DGKH: variants seen among roughly 807,000 people sequenced by gnomAD.
DGKH encodes diacylglycerol kinase eta.
DGKH carries 90 observed loss-of-function variants against 159.3 expected under a neutral mutation model. The observed-to-expected ratio is 0.57, with a 90% CI of 0.48 to 0.67. The LOEUF (loss-of-function observed/expected upper bound fraction) is 0.67, where lower values mean the gene tolerates loss of function less well. Among genes scored for constraint, DGKH ranks in the 30% least tolerant of loss-of-function variants. The pLI, the probability that DGKH is intolerant of heterozygous loss-of-function variation, is 0.00. For missense variants in DGKH, 1,181 were observed against 1,506.1 expected, an observed-to-expected ratio of 0.78 and a Z score of 3.57; for synonymous variants, 536 against 553.8, an observed-to-expected ratio of 0.97 and a Z score of 0.45.
At chr13:42,249,799 TAAAAAA>T in intron 29 of DGKH, among the ~76,000 whole-genome samples, 1 of 151,936 alleles carries the variant, frequency 6.6e-6, no homozygotes, top group East Asian at 1.9e-4. Flanking sequence ...GATTATGTTT[TAAAAAA>T]GTTTTCAGGA....
intron 1 of DGKH, among the ~76,000 whole-genome samples, chr13:42,050,786 G>A (rs937090001): frequency 6.6e-6 from 1 of 152,172 alleles, no homozygotes; most frequent in Non-Finnish European, 1.5e-5. Context: ...GAGCCCAGGA[G>A]TTCAAGGCTG....
intron 20 of DGKH, among the ~76,000 whole-genome samples, chr13:42,201,095 C>T (rs1333345534): frequency 6.6e-6 from 1 of 152,034 alleles, no homozygotes; most frequent in Non-Finnish European, 1.5e-5. Context: ...TGGGTTCAAG[C>T]GATTCTTCTG....
At chr13:42,085,827 T>C (rs1383800470) in intron 1 of DGKH, among the ~76,000 whole-genome samples, 2 of 152,236 alleles carry the variant, frequency 1.3e-5, no homozygotes, top group South Asian at 2.1e-4. Context: ...CTTTCCTCTA[T>C]GAATTTCTGT....
At chr13:42,220,509 T>C (rs1428878101) in intron 28 of DGKH, among the ~76,000 whole-genome samples, 1 of 152,222 alleles carries the variant, frequency 6.6e-6, no homozygotes, top group Non-Finnish European at 1.5e-5. Flanking sequence ...TAAATTCCTC[T>C]GAGTGTGCTA....
At chr13:42,247,921 TAAA>T (rs1253988222) in intron 29 of DGKH, among the ~76,000 whole-genome samples, 9 of 152,170 alleles carry the variant, frequency 5.9e-5, no homozygotes, top group Non-Finnish European at 1.0e-4. Context: ...GTCAAAAAGT[TAAA>T]AGAAGTTTAC....
At position 42,174,867 on chromosome 13, in the gene DGKH, G is replaced by T. The variant is rs79179187; in HGVS notation, c.1452+723G>T. On this transcript the variant is annotated intron_variant, in intron 12 of 29. Coordinates refer to ENST00000337343, the MANE Select transcript of DGKH (RefSeq NM_178009.5). Reference sequence around the variant, plus strand: ...ATTACAGGCATGAGACACTGTGGCCGGCCCCTACTCTTCTGAAGGGACAGC... The same window carrying T: ...ATTACAGGCATGAGACACTGTGGCCTGCCCCTACTCTTCTGAAGGGACAGC... Among the ~76,000 whole-genome samples the T allele has an allele frequency of 5.4e-3, 829 of 152,158 alleles. 19 individuals carry two copies. In the East Asian group the frequency reaches 0.055, roughly 10 times the overall value.
At chr13:42,159,906 A>G in intron 6 of DGKH, 105 bp from the exon 7 acceptor site, 1 of 1,532,510 alleles carries the variant, frequency 6.5e-7, no homozygotes, top group Non-Finnish European at 8.9e-7. Flanking sequence ...TATGCATGAA[A>G]CGTACTACTG....
chr13:42,049,604 C>G (rs1881114744), intron 1 of DGKH, among the ~76,000 whole-genome samples: 1 of 152,228 alleles, frequency 6.6e-6, no homozygotes, highest in South Asian at 2.1e-4. Context: ...GCGGCTTAAC[C>G]GCACCCTGCA....
At chr13:42,042,854 G>A (rs1015149908) in intron 1 of DGKH, among the ~76,000 whole-genome samples, 2 of 152,152 alleles carry the variant, frequency 1.3e-5, no homozygotes, top group Non-Finnish European at 2.9e-5. Context: ...CAAGTCCATC[G>A]AAGAACTAAT....
chr13:42,218,940 C>T (rs893094689), intron 26 of DGKH, among the ~76,000 whole-genome samples: 2 of 151,996 alleles, frequency 1.3e-5, no homozygotes, highest in African/African-American at 4.8e-5. Context: ...GGAAAGAAGA[C>T]ATTTACACAG....
intron 1 of DGKH, among the ~76,000 whole-genome samples, chr13:42,090,011 C>T (rs1017084863): frequency 5.9e-5 from 9 of 151,944 alleles, no homozygotes; most frequent in African/African-American, 9.7e-5. Flanking sequence ...TTCCAAATAA[C>T]CCATGGATCA....
chr13:42,171,810 G>C (rs1956461712), intron 11 of DGKH, among the ~76,000 whole-genome samples: 1 of 148,106 alleles, frequency 6.8e-6, no homozygotes, highest in African/African-American at 2.5e-5. Context: ...ATGGCTTTTG[G>C]TTTTCAAATA....
intron 1 of DGKH, among the ~76,000 whole-genome samples, chr13:42,089,110 C>T (rs575091640): frequency 6.6e-6 from 1 of 152,242 alleles, no homozygotes; most frequent in East Asian, 1.9e-4. Flanking sequence ...CTTTGAAATG[C>T]ATGAAGCAAA....
chr13:42,059,234 T>A (rs574477693), intron 1 of DGKH, among the ~76,000 whole-genome samples: 15 of 152,124 alleles, frequency 9.9e-5, no homozygotes, highest in Non-Finnish European at 2.1e-4. Flanking sequence ...CTTTTGTTAA[T>A]GATTTTTCAA....
At chr13:42,141,111 T>G (rs1363648735) in intron 3 of DGKH, among the ~76,000 whole-genome samples, 2 of 144,004 alleles carry the variant, frequency 1.4e-5, no homozygotes, top group Admixed American at 1.4e-4. Flanking sequence ...GTCCATGTGT[T>G]CTCATTCTTC....
intron 1 of DGKH, among the ~76,000 whole-genome samples, chr13:42,042,709 T>C (rs554582572): frequency 6.6e-6 from 1 of 152,332 alleles, no homozygotes; most frequent in South Asian, 2.1e-4. Flanking sequence ...AAACAGAATG[T>C]CTTGTTTCGT....
At chr13:42,087,163 G>C (rs149370730) in intron 1 of DGKH, among the ~76,000 whole-genome samples, 1 of 151,496 alleles carries the variant, frequency 6.6e-6, no homozygotes, top group Non-Finnish European at 1.5e-5. Context: ...GGACAGAGTG[G>C]AAAGGCCTCA....
chr13:42,225,207 G>C, intron 29 of DGKH: 1 of 1,409,586 alleles, frequency 7.1e-7, no homozygotes. Context: ...ACTGGTGTGA[G>C]CCACCATGCC....
intron 17 of DGKH, chr13:42,195,803 A>T (rs1957191312): frequency 6.6e-6 from 1 of 152,258 alleles, no homozygotes; most frequent in Non-Finnish European, 1.5e-5. Flanking sequence ...GCCACAAAAG[A>T]CAAATAAATT....
Sources: allele counts gnomAD v4.1 joint callset (sites outside exome capture counted in the v4.1 genomes callset), GRCh38; gene constraint gnomAD v4.1.1; transcripts MANE v1.5; gene names NCBI Gene and HGNC (gene_info 2026-07-23, HGNC 2026-07-21).